PPFIA4: variants seen among roughly 807,000 people sequenced by gnomAD.
PPFIA4 encodes the protein PPFI scaffold protein A4.
A neutral mutation model predicts 145.7 loss-of-function variants in PPFIA4; 98 were observed. The observed-to-expected ratio is 0.67, with a 90% CI of 0.57 to 0.80. The LOEUF is 0.80. Among genes scored for constraint, PPFIA4 ranks in the 30% least tolerant of loss-of-function variants. The pLI is 0.00. For synonymous variants in PPFIA4, 628 were observed against 649.6 expected (o/e 0.97, Z 0.51); for missense variants, 1,457 against 1,632.7 (o/e 0.89, Z 1.85).
chr1:203,062,000 G>C (rs1302657298), intron 24 of PPFIA4, among the ~76,000 whole-genome samples: 1 of 152,034 alleles, frequency 6.6e-6, no homozygotes, highest in Non-Finnish European at 1.5e-5. Context: ...CCCTCTCAGG[G>C]GCACCCTGGT....
chr1:203,070,666 T>G (rs871297), intron 27 of PPFIA4, among the ~76,000 whole-genome samples: 21,248 of 151,000 alleles, frequency 0.14, 1,750 homozygotes, highest in South Asian at 0.18. Context: ...TTCTGAAAAC[T>G]CTGAATGAGT....
At chr1:203,034,244 A>G (rs984323532) in intron 1 of PPFIA4, among the ~76,000 whole-genome samples, 5 of 152,164 alleles carry the variant, frequency 3.3e-5, no homozygotes, top group African/African-American at 1.2e-4. Flanking sequence ...GGGAGATGAG[A>G]GGCAGGCCAG....
In PPFIA4 at chr1:203,049,069, T is replaced by C; in HGVS notation, c.1419+89T>C. ...CCTGCTTTTAACGCTGCTGCTCTGA[T>C]ACCTGGCAGTGTTAGTGCATATGTT... On this transcript the variant is annotated intron_variant, in intron 12 of 29. Coordinates refer to ENST00000295706, the MANE Select transcript of PPFIA4 (RefSeq NM_001304331.2). 3.2e-6 allele frequency: 4 copies of C among 1,243,108 alleles called. 1 individual carries two copies. In the South Asian group the frequency reaches 5.6e-5, roughly 17 times the overall value. The allele number at this position is 1,243,108 out of a possible 1,614,324, so 77.0% of individuals were successfully genotyped here. A position where few individuals can be genotyped will look rare whatever the true frequency, so the allele number is the denominator to read the frequency against.
chr1:203,069,520 A>G (rs1328902335), intron 27 of PPFIA4, among the ~76,000 whole-genome samples: 1 of 152,156 alleles, frequency 6.6e-6, no homozygotes, highest in African/African-American at 2.4e-5. Context: ...CTTTCCTCAT[A>G]TAGACTCGCC....
rs1229977540 is a variant in PPFIA4, at chr1:203,038,911, C to T, written c.-98C>T. ...CCACCTGTCCACTCGCCTGGCACTGCCCACTCTGAGACCCATGCACTGGGT... is the reference window on the plus strand; with the variant it reads ...CCACCTGTCCACTCGCCTGGCACTGTCCACTCTGAGACCCATGCACTGGGT... On this transcript the variant is annotated 5_prime_UTR_variant, in exon 2 of 30. Coordinates refer to ENST00000295706, the MANE Select transcript of PPFIA4 (RefSeq NM_001304331.2). 1.5e-6 allele frequency: 1 copy of T among 656,986 alleles called. No individual in the cohort carries two copies. The highest frequency in any genetic ancestry group is 2.7e-6 in the Non-Finnish European group (1 of 374,418). 40.7% of individuals were successfully genotyped at this position (656,986 alleles called of 1,614,324 possible).
rs1660848369 is a variant in PPFIA4 at position 203,055,327 on chromosome 1, A to G, written c.1830-105A>G. Reference sequence around the variant, plus strand: ...GGGACAGACAAAGCCTGGCGGGTGTACACCGCATGTGGTCCTTGGTGGCGA... The same window carrying G: ...GGGACAGACAAAGCCTGGCGGGTGTGCACCGCATGTGGTCCTTGGTGGCGA... On this transcript the variant is annotated intron_variant, in intron 15 of 29. Coordinates refer to ENST00000295706, the MANE Select transcript of PPFIA4 (RefSeq NM_001304331.2). The surrounding 1 kb of genome is among the most constrained non-coding windows in gnomAD (Gnocchi z 4.8). 4 of 1,462,442 alleles carry G rather than the reference A, an allele frequency of 2.7e-6. No individual in the cohort carries two copies. Among genetic ancestry groups the G allele is most frequent in the Non-Finnish European group, 2.8e-6 (3 of 1,055,544 alleles). 90.6% of individuals were successfully genotyped at this position (1,462,442 alleles called of 1,614,324 possible). A position where few individuals can be genotyped will look rare whatever the true frequency, so the allele number is the denominator to read the frequency against.
At chr1:203,062,187 G>T (rs11579055) in intron 24 of PPFIA4, among the ~76,000 whole-genome samples, 71,724 of 151,596 alleles carry the variant, frequency 0.47, 17,837 homozygotes, top group South Asian at 0.55. Context: ...GGATAAAAAA[G>T]ACAGTCTCGG....
At chr1:203,065,700 T>G (rs1661689662) in intron 25 of PPFIA4, among the ~76,000 whole-genome samples, 2 of 152,246 alleles carry the variant, frequency 1.3e-5, no homozygotes, top group Admixed American at 6.5e-5. Flanking sequence ...CTTTAAAATT[T>G]CTTTTAAATC....
Position 203,076,452 on chromosome 1 carries a change from CTCT to C in PPFIA4, c.*64_*66del, listed in dbSNP as rs1013307948. On this transcript the variant is annotated 3_prime_UTR_variant, in exon 30 of 30. Coordinates refer to ENST00000295706, the MANE Select transcript of PPFIA4 (RefSeq NM_001304331.2). ...TCACAGGCTCCTCTGGCCCTGACCC[CTCT>C]TGCTCGTTCCCCTTCCTTCCGCAGC... 7.3e-6 allele frequency: 11 copies of C among 1,497,042 alleles called. No homozygotes were observed. The highest frequency in any genetic ancestry group is 6.5e-6 in the Non-Finnish European group (7 of 1,081,966). 92.7% of individuals were successfully genotyped at this position (1,497,042 alleles called of 1,614,324 possible).
rs1361960429 is a variant in PPFIA4, at chr1:203,056,849, G to A, written c.2306G>A (p.Gly769Asp). Residue 769 changes from glycine to aspartate, a missense_variant, in exon 19 of 30, where the codon GGC becomes GAC. Around this residue, in one of 3 missense-constraint regions of PPFIA4, gnomAD observed 848 missense variants for 1,046.7 expected, o/e 0.81. Transcript: ENST00000295706. ...SNSSQDSLHKGAKRKGIKSSI... is the reference protein window; with the variant it reads ...SNSSQDSLHKDAKRKGIKSSI... ...AGCAGCCAGGACTCCCTGCACAAGG[G>A]CGCCAAGCGCAAGGGCATCAAGTCG... 6.2e-7 allele frequency: 1 copy of A among 1,613,962 alleles called. No homozygotes were observed. The highest frequency in any genetic ancestry group is 8.5e-7 in the Non-Finnish European group (1 of 1,179,902).
At chr1:203,046,141 T>C in intron 8 of PPFIA4, 107 bp from the exon 9 acceptor site, 1 of 1,540,118 alleles carries the variant, frequency 6.5e-7, no homozygotes, top group Non-Finnish European at 8.8e-7. Flanking sequence ...CAACCAAGAT[T>C]GTCCCTTGCT....
At chr1:203,044,476 G>A (rs971275458) in intron 5 of PPFIA4, 23 bp downstream of exon 5, 1 of 1,547,280 alleles carries the variant, frequency 6.5e-7, no homozygotes, top group Non-Finnish European at 8.7e-7. Context: ...CTCACCCTCA[G>A]TCTGCAGCTC....
Position 203,076,399 on chromosome 1 carries a change from C to T in PPFIA4, c.*9C>T, listed in dbSNP as rs1452978579. 6.2e-7 allele frequency: 1 copy of T among 1,607,808 alleles called. No individual in the cohort carries two copies. Among genetic ancestry groups the T allele is most frequent in the South Asian group, 1.1e-5 (1 of 91,074 alleles). ...CCGCCTTCCGGGACTAGCCATGGCC[C>T]CCAGGGCTGGCTTCCTCCTTCTGGG... is the stretch of plus-strand genomic sequence containing the variant. On this transcript the variant is annotated 3_prime_UTR_variant, in exon 30 of 30. Coordinates refer to ENST00000295706, the MANE Select transcript of PPFIA4 (RefSeq NM_001304331.2).
At chr1:203,053,593 C>T in intron 14 of PPFIA4, 160 bp from the exon 15 acceptor site, 1 of 635,144 alleles carries the variant, frequency 1.6e-6, no homozygotes, top group Non-Finnish European at 2.7e-6. Flanking sequence ...TGTTAAAATG[C>T]AGATGTTGAA....
Position 203,076,433 on chromosome 1 carries a change from G to C in PPFIA4, c.*43G>C. ...GGCTTCCTCCTTCTGGGTTTCACAG[G>C]CTCCTCTGGCCCTGACCCCTCTTGC... On this transcript the variant is annotated 3_prime_UTR_variant, in exon 30 of 30. Transcript: ENST00000295706. 6.4e-7 allele frequency: 1 copy of C among 1,574,786 alleles called. No individual in the cohort carries two copies. The highest frequency in any genetic ancestry group is 8.7e-7 in the Non-Finnish European group (1 of 1,150,624).
chr1:203,047,453 G>A (rs963783370), intron 9 of PPFIA4, among the ~76,000 whole-genome samples: 1 of 152,174 alleles, frequency 6.6e-6, no homozygotes, highest in African/African-American at 2.4e-5. Flanking sequence ...GAAGGCACGG[G>A]CTGAAATGAT....
chr1:203,034,086 T>G (rs10920549), intron 1 of PPFIA4, among the ~76,000 whole-genome samples: 20,805 of 152,042 alleles, frequency 0.14, 1,979 homozygotes, highest in African/African-American at 0.25. Context: ...GAGAAGCCCC[T>G]TGAAGAGAGG....
In PPFIA4 at chr1:203,049,020, C is replaced by G. The variant is rs764053888; in HGVS notation, c.1419+40C>G. On this transcript the variant is annotated intron_variant, in intron 12 of 29. Coordinates refer to ENST00000295706, the MANE Select transcript of PPFIA4 (RefSeq NM_001304331.2). The stretch of plus-strand genomic sequence containing the variant: ...CCAGCCCCGCCCAGCCTGGGAGGGC[C>G]GGGTTGCAGGGAGGAAAGGACACCC... 49 of 1,541,296 alleles carry G rather than the reference C, an allele frequency of 3.2e-5. No homozygotes were observed. The South Asian group carries it at 5.6e-4, about 18-fold the overall frequency.
rs768105404 is a variant in PPFIA4, at chr1:203,055,594, A to G, written c.1992A>G (p.Pro664=). Residue 664 remains proline, a synonymous_variant, in exon 16 of 30, where the codon CCA becomes CCG. Transcript: ENST00000295706. This position sits in a 1 kb window ranked among gnomAD's most constrained non-coding sequence, Gnocchi z 4.8. ...TGTCCCTGGCCAGCGCGTCCCCACCACTCAGCGGCCGCTCCACACCTAAGC... is the reference window on the plus strand; with the variant it reads ...TGTCCCTGGCCAGCGCGTCCCCACCGCTCAGCGGCCGCTCCACACCTAAGC... ...TALSLASASP[P]LSGRSTPKLT... The G allele has an allele frequency of 1.2e-6, 2 of 1,613,714 alleles. No homozygotes were observed. The highest frequency in any genetic ancestry group is 2.7e-5 in the African/African-American group (2 of 74,922).
Sources: allele counts gnomAD v4.1 joint callset (sites outside exome capture counted in the v4.1 genomes callset), GRCh38; gene constraint gnomAD v4.1.1; regional missense constraint gnomAD v4.1.1; non-coding constraint Gnocchi (gnomAD v3.1); transcripts MANE v1.5; gene names NCBI Gene and HGNC (gene_info 2026-07-23, HGNC 2026-07-21).